The following RBPMS variants were observed in gnomAD, a reference collection of about 807,000 sequenced individuals.
RBPMS encodes RNA binding protein, mRNA processing factor, also known as RNA-binding protein with multiple splicing.
Under a neutral mutation model 26.8 loss-of-function variants are expected in RBPMS, and 7 were observed. The observed-to-expected ratio is 0.26, with a 90% CI of 0.15 to 0.49. The LOEUF is 0.49. Ranked by LOEUF, RBPMS falls within the 20% of genes least tolerant of loss-of-function variation. RBPMS has a pLI of 0.98. For synonymous variants in RBPMS, 96 were observed against 93.3 expected, an observed-to-expected ratio of 1.03 and a Z score of -0.17; for missense variants, 186 against 250.0, an observed-to-expected ratio of 0.74 and a Z score of 1.73.
At chr8:30,489,794 T>C (rs1240802160) in intron 4 of RBPMS, among the ~76,000 whole-genome samples, 1 of 151,904 alleles carries the variant, frequency 6.6e-6, no homozygotes, top group African/African-American at 2.4e-5. Flanking sequence ...TTTTTCTGTA[T>C]ACTGGTGTTT....
At chr8:30,544,377 T>G in intron 5 of RBPMS, 117 bp from the exon 6 acceptor site, 3 of 986,250 alleles carry the variant, frequency 3.0e-6, no homozygotes, top group Non-Finnish European at 4.7e-6. Context: ...GTTAAAAGAA[T>G]GAGAGTAATT....
At chr8:30,549,225 C>G (rs919139584) in intron 6 of RBPMS, among the ~76,000 whole-genome samples, 1 of 152,200 alleles carries the variant, frequency 6.6e-6, no homozygotes, top group Non-Finnish European at 1.5e-5. Flanking sequence ...AAAAGTAAGG[C>G]AGGAGTCCGG....
At chr8:30,443,484 A>C (rs1813363202) in intron 1 of RBPMS, among the ~76,000 whole-genome samples, 1 of 152,174 alleles carries the variant, frequency 6.6e-6, no homozygotes, top group African/African-American at 2.4e-5. Flanking sequence ...GCTGCAAAAT[A>C]GCTCCTATCT....
At chr8:30,431,879 G>C (rs1811976602) in intron 1 of RBPMS, among the ~76,000 whole-genome samples, 1 of 152,056 alleles carries the variant, frequency 6.6e-6, no homozygotes, top group Non-Finnish European at 1.5e-5. Flanking sequence ...CCAGTACTTT[G>C]GGAGGCCGAG....
intron 1 of RBPMS, among the ~76,000 whole-genome samples, chr8:30,446,245 A>G (rs1234347666): frequency 2.0e-5 from 3 of 152,200 alleles, no homozygotes; most frequent in Non-Finnish European, 4.4e-5. Context: ...TCTGCGAAGT[A>G]GATTTGGTCA....
chr8:30,514,265 A>C (rs1224763221), intron 5 of RBPMS, among the ~76,000 whole-genome samples: 1 of 152,160 alleles, frequency 6.6e-6, no homozygotes, highest in Non-Finnish European at 1.5e-5. Context: ...TTGTGACAGA[A>C]TGGGGAGTGT....
intron 1 of RBPMS, among the ~76,000 whole-genome samples, chr8:30,467,060 G>A (rs547874061): frequency 2.0e-5 from 3 of 152,326 alleles, no homozygotes; most frequent in African/African-American, 4.8e-5. Flanking sequence ...TGCTTTTCTT[G>A]AAGTCAGTGC....
At chr8:30,434,946 A>C (rs1344520929) in intron 1 of RBPMS, among the ~76,000 whole-genome samples, 1 of 152,098 alleles carries the variant, frequency 6.6e-6, no homozygotes, top group African/African-American at 2.4e-5. Context: ...GAAAGACATA[A>C]AATGGAAGTG....
intron 4 of RBPMS, among the ~76,000 whole-genome samples, chr8:30,490,400 G>A (rs1819261533): frequency 6.6e-6 from 1 of 152,006 alleles, no homozygotes; most frequent in South Asian, 2.1e-4. Flanking sequence ...AACATCCATT[G>A]ATTATAATGT....
At chr8:30,474,369 T>C (rs150369489) in intron 1 of RBPMS, among the ~76,000 whole-genome samples, 2 of 152,224 alleles carry the variant, frequency 1.3e-5, no homozygotes, top group African/African-American at 2.4e-5. Flanking sequence ...AGATTTACTG[T>C]GCTCATGTCA....
chr8:30,412,126 G>A (rs1809522479), intron 1 of RBPMS, among the ~76,000 whole-genome samples: 1 of 152,218 alleles, frequency 6.6e-6, no homozygotes, highest in African/African-American at 2.4e-5. Context: ...ACTAGGAAGG[G>A]CTGCCAGCTC....
intron 5 of RBPMS, among the ~76,000 whole-genome samples, chr8:30,520,452 T>C (rs527743135): frequency 4.3e-4 from 66 of 152,332 alleles, no homozygotes; most frequent in African/African-American, 1.6e-3. Flanking sequence ...GTCATTATTC[T>C]TTCTGATGCT....
intron 8 of RBPMS, among the ~76,000 whole-genome samples, chr8:30,567,023 T>G (rs1322895769): frequency 6.6e-6 from 1 of 152,206 alleles, no homozygotes; most frequent in Non-Finnish European, 1.5e-5. Context: ...AAAATCCTCC[T>G]GTAGCATTCC....
intron 1 of RBPMS, among the ~76,000 whole-genome samples, chr8:30,426,816 G>A (rs893036713): frequency 9.9e-5 from 15 of 151,658 alleles, no homozygotes; most frequent in Admixed American, 2.0e-4. Flanking sequence ...TTGAGAGTCT[G>A]GTGAAGCCTG....
At chr8:30,563,610 A>T (rs1827671226) in intron 7 of RBPMS, among the ~76,000 whole-genome samples, 1 of 152,154 alleles carries the variant, frequency 6.6e-6, no homozygotes, top group Admixed American at 6.5e-5. Context: ...CAGATTGGAG[A>T]AGGAAATGCA....
chr8:30,502,008 C>T (rs1220355136), intron 4 of RBPMS, among the ~76,000 whole-genome samples: 2 of 152,054 alleles, frequency 1.3e-5, no homozygotes, highest in African/African-American at 4.8e-5. Flanking sequence ...TGGATGGAAA[C>T]TTAGCTGCGC....
chr8:30,423,215 G>C (rs1036439961), intron 1 of RBPMS, among the ~76,000 whole-genome samples: 1 of 152,184 alleles, frequency 6.6e-6, no homozygotes, highest in Non-Finnish European at 1.5e-5. Flanking sequence ...TTGTACCAGG[G>C]CTCTTTTTAT....
intron 1 of RBPMS, among the ~76,000 whole-genome samples, chr8:30,472,215 T>C (rs1408384042): frequency 6.6e-6 from 1 of 152,158 alleles, no homozygotes; most frequent in Non-Finnish European, 1.5e-5. Flanking sequence ...TACTTCTCAG[T>C]AATAAAAAGG....
In RBPMS at chr8:30,549,742, C is replaced by CTTTCTTTCCTTTTCTTTCCT. The variant is rs1554543783; in HGVS notation, c.528+5135_528+5136insCCTTTTCTTTCCTTTTCTTT. Among the ~76,000 whole-genome samples the CTTTCTTTCCTTTTCTTTCCT allele has an allele frequency of 2.2e-3, 317 of 143,616 alleles. 1 individual carries two copies. Among genetic ancestry groups the CTTTCTTTCCTTTTCTTTCCT allele is most frequent in the African/African-American group, 7.9e-3 (293 of 36,966 alleles). 94.2% of individuals were successfully genotyped at this position (143,616 alleles called of 152,430 possible). ...CTGGAGGCGATTTCTTTCTTTCTTT[C>CTTTCTTTCCTTTTCTTTCCT]TTTCTTTCCTTTTCTTTTCTTTTCT... On this transcript the variant is annotated intron_variant, in intron 6 of 8. Transcript: ENST00000397323.
Sources: allele counts gnomAD v4.1 joint callset (sites outside exome capture counted in the v4.1 genomes callset), GRCh38; gene constraint gnomAD v4.1.1; transcripts MANE v1.5; gene names NCBI Gene and HGNC (gene_info 2026-07-23, HGNC 2026-07-21).